The following RAPGEF1 variants were observed in gnomAD, a reference collection of about 807,000 sequenced individuals.
RAPGEF1 encodes CRK SH3-binding GNRP.
RAPGEF1 carries 33 observed loss-of-function variants against 143.3 expected under a neutral mutation model. The observed-to-expected ratio is 0.23, with a 90% CI of 0.17 to 0.31. RAPGEF1 has a LOEUF of 0.31. Ranked by LOEUF, RAPGEF1 falls within the 10% of genes least tolerant of loss-of-function variation. The probability of loss-of-function intolerance (pLI) is 1.00; values close to 1 mark genes in which losing one functional copy is unlikely to be tolerated. For missense variants in RAPGEF1, 1,199 were observed against 1,645.4 expected, an observed-to-expected ratio of 0.73 and a Z score of 4.69; for synonymous variants, 629 against 676.5, an observed-to-expected ratio of 0.93 and a Z score of 1.09.
chr9:131,589,670 G>C (rs1190359793), intron 19 of RAPGEF1, among the ~76,000 whole-genome samples: 1 of 152,172 alleles, frequency 6.6e-6, no homozygotes, highest in Non-Finnish European at 1.5e-5. Flanking sequence ...GAGGGTCCAG[G>C]AGGGACCTCA....
chr9:131,671,256 C>T (rs1831333111), intron 1 of RAPGEF1, among the ~76,000 whole-genome samples: 1 of 152,196 alleles, frequency 6.6e-6, no homozygotes, highest in African/African-American at 2.4e-5. Flanking sequence ...TTTTAAAGGC[C>T]CAAATCCTCC....
intron 1 of RAPGEF1, among the ~76,000 whole-genome samples, chr9:131,722,960 G>A (rs1359545496): frequency 1.3e-5 from 2 of 152,260 alleles, no homozygotes; most frequent in Admixed American, 6.5e-5. Context: ...TTGGGAGGCT[G>A]AGGCTGGCAG....
chr9:131,580,527 T>C (rs1016007812), intron 25 of RAPGEF1, 136 bp from the exon 26 acceptor site: 22 of 1,094,876 alleles, frequency 2.0e-5, no homozygotes, highest in Non-Finnish European at 2.7e-5. Context: ...CAGTCTGAGG[T>C]GTCTGTTTCC....
chr9:131,588,721 G>A, intron 20 of RAPGEF1, 80 bp downstream of exon 20: 1 of 1,410,160 alleles, frequency 7.1e-7, no homozygotes, highest in Non-Finnish European at 9.6e-7. Flanking sequence ...TGGGGCTGTG[G>A]GGCTGGCAGG....
chr9:131,636,893 G>A (rs1010167933), intron 5 of RAPGEF1, among the ~76,000 whole-genome samples: 2 of 152,140 alleles, frequency 1.3e-5, no homozygotes, highest in Admixed American at 6.5e-5. Flanking sequence ...CTTGAGTCTC[G>A]CTGCCCTAAG....
chr9:131,651,096 A>G (rs1201072009), intron 1 of RAPGEF1, 147 bp from the exon 2 acceptor site: 1 of 1,045,258 alleles, frequency 9.6e-7, no homozygotes, highest in East Asian at 2.7e-5. Flanking sequence ...TGGATCCATT[A>G]CAAAACATTT....
chr9:131,587,839 G>C lies in RAPGEF1; in HGVS notation c.3139-9C>G. ...AGCAAAACCTCAGGAATCTACAAAA[G>C]GAAAGAAGGCAGATGGAGGTGGAGC... is the stretch of plus-strand genomic sequence containing the variant. On this transcript the variant is annotated splice_polypyrimidine_tract_variant and intron_variant, in intron 21 of 26. Coordinates refer to ENST00000683357, the MANE Select transcript of RAPGEF1 (RefSeq NM_001377935.1). The C allele has an allele frequency of 6.2e-7, 1 of 1,612,754 alleles. No individual in the cohort carries two copies. The highest frequency in any genetic ancestry group is 8.5e-7 in the Non-Finnish European group (1 of 1,179,300).
At chr9:131,690,722 G>A (rs1833725911) in intron 1 of RAPGEF1, among the ~76,000 whole-genome samples, 1 of 152,196 alleles carries the variant, frequency 6.6e-6, no homozygotes, top group South Asian at 2.1e-4. Flanking sequence ...ACCCTGGGAG[G>A]TGGAAGGTAC....
intron 1 of RAPGEF1, among the ~76,000 whole-genome samples, chr9:131,715,146 T>C (rs1835772194): frequency 6.6e-6 from 1 of 152,116 alleles, no homozygotes; most frequent in Non-Finnish European, 1.5e-5. Context: ...TATAGATCAG[T>C]CTCAGAATGT....
intron 25 of RAPGEF1, among the ~76,000 whole-genome samples, chr9:131,580,697 T>G (rs1951733869): frequency 6.6e-6 from 1 of 150,870 alleles, no homozygotes; most frequent in Non-Finnish European, 1.5e-5. Flanking sequence ...CATTAACAAA[T>G]GAGCAGTAAA....
At chr9:131,625,801 G>A in intron 10 of RAPGEF1, 121 bp downstream of exon 10, 1 of 1,335,692 alleles carries the variant, frequency 7.5e-7, no homozygotes, top group Non-Finnish European at 1.0e-6. Context: ...ATACCTGGCT[G>A]GCCTATCTTT....
chr9:131,657,949 C>A (rs550598153), intron 1 of RAPGEF1, among the ~76,000 whole-genome samples: 3 of 152,208 alleles, frequency 2.0e-5, no homozygotes, highest in Non-Finnish European at 4.4e-5. Flanking sequence ...AATAGCAGGC[C>A]TGACACTCAG....
chr9:131,580,237 G>T, intron 26 of RAPGEF1, 26 bp downstream of exon 26: 1 of 1,612,090 alleles, frequency 6.2e-7, no homozygotes, highest in Non-Finnish European at 8.5e-7. Context: ...AGCTCTGCCT[G>T]GTCCCCCCGG....
intron 1 of RAPGEF1, among the ~76,000 whole-genome samples, chr9:131,694,769 C>G (rs1834018540): frequency 6.6e-6 from 1 of 151,842 alleles, no homozygotes; most frequent in Admixed American, 6.6e-5. Context: ...TATCCTCCTT[C>G]CTACAGCACT....
intron 11 of RAPGEF1, among the ~76,000 whole-genome samples, chr9:131,620,153 C>T (rs1459768685): frequency 2.6e-5 from 4 of 152,184 alleles, no homozygotes; most frequent in African/African-American, 7.2e-5. Flanking sequence ...TCTGATTCCA[C>T]GTGCTCCCTA....
chr9:131,677,547 CA>C (rs1273830244), intron 1 of RAPGEF1, among the ~76,000 whole-genome samples: 1 of 152,136 alleles, frequency 6.6e-6, no homozygotes, highest in African/African-American at 2.4e-5. Flanking sequence ...TAACAAACAC[CA>C]AGTGACATTT....
chr9:131,604,621 C>A (rs763337419), intron 13 of RAPGEF1, among the ~76,000 whole-genome samples: 6 of 152,196 alleles, frequency 3.9e-5, no homozygotes, highest in Non-Finnish European at 8.8e-5. Flanking sequence ...GTATCTTATG[C>A]GTCTGATAAG....
intron 1 of RAPGEF1, among the ~76,000 whole-genome samples, chr9:131,726,038 T>C (rs941014767): frequency 6.6e-6 from 1 of 151,878 alleles, no homozygotes; most frequent in African/African-American, 2.4e-5. Flanking sequence ...GGATTACAGG[T>C]GTGAGCCACT....
At position 131,667,031 on chromosome 9, in the gene RAPGEF1, C is replaced by T. The variant is rs1830545281; in HGVS notation, c.62-16082G>A. ...TTGGAGACAGAGTCTCACTCTGTCA[C>T]CCAGGCGGAGTGCAGTGGCACGAAC... is the stretch of plus-strand genomic sequence containing the variant. On this transcript the variant is annotated intron_variant, in intron 1 of 26. Coordinates refer to ENST00000683357, the MANE Select transcript of RAPGEF1 (RefSeq NM_001377935.1). The surrounding 1 kb of genome is among the most constrained non-coding windows in gnomAD (Gnocchi z 4.6). 6.6e-6 allele frequency among the ~76,000 whole-genome samples: 1 copy of T among 152,128 alleles called. No individual in the cohort carries two copies. Among genetic ancestry groups the T allele is most frequent in the Non-Finnish European group, 1.5e-5 (1 of 68,020 alleles).
Sources: gnomAD v4.1 joint callset for allele counts (sites outside exome capture counted in the v4.1 genomes callset) on GRCh38, gnomAD v4.1.1 for gene constraint, Gnocchi (gnomAD v3.1) non-coding constraint, MANE v1.5 for transcripts, NCBI Gene and HGNC (gene_info 2026-07-23, HGNC 2026-07-21) for gene names.